NELL1: variants seen among roughly 807,000 people sequenced by gnomAD.
NELL1 encodes the protein protein kinase C-binding protein NELL1.
A neutral mutation model predicts 107.4 loss-of-function variants in NELL1; 76 were observed. The observed-to-expected ratio is 0.71, with a 90% CI of 0.59 to 0.86. NELL1 has a LOEUF of 0.86. Among genes scored for constraint, NELL1 ranks in the 40% least tolerant of loss-of-function variants. The pLI is 0.00. For missense variants in NELL1, 1,024 were observed against 1,005.5 expected (o/e 1.02, Z -0.25); for synonymous variants, 353 against 341.2 (o/e 1.03, Z -0.38).
At chr11:20,733,840 T>C (rs1855701289) in intron 2 of NELL1, among the ~76,000 whole-genome samples, 1 of 152,208 alleles carries the variant, frequency 6.6e-6, no homozygotes, top group Admixed American at 6.5e-5. Flanking sequence ...GTGATGGGAC[T>C]ATAACAAGAA....
At chr11:20,812,833 C>G (rs369907585) in intron 3 of NELL1, among the ~76,000 whole-genome samples, 1 of 150,370 alleles carries the variant, frequency 6.7e-6, no homozygotes, top group Non-Finnish European at 1.5e-5. Flanking sequence ...ACGGTGAAAC[C>G]CCGTCTGTAC....
chr11:21,019,954 A>T (rs1852659099), intron 12 of NELL1, among the ~76,000 whole-genome samples: 1 of 152,158 alleles, frequency 6.6e-6, no homozygotes, highest in Middle Eastern at 3.4e-3. Flanking sequence ...CTTGTTATCA[A>T]TATTTGCTAA....
intron 5 of NELL1, among the ~76,000 whole-genome samples, chr11:20,889,942 T>G (rs1394117708): frequency 6.6e-6 from 1 of 152,136 alleles, no homozygotes; most frequent in African/African-American, 2.4e-5. Flanking sequence ...TTCTGAAGAA[T>G]CCGGGCAGTC....
At chr11:21,381,191 A>G (rs897402041) in intron 15 of NELL1, among the ~76,000 whole-genome samples, 4 of 152,020 alleles carry the variant, frequency 2.6e-5, no homozygotes, top group Non-Finnish European at 5.9e-5. Context: ...AAAGTAAATT[A>G]TGTTTTCCTG....
At chr11:21,491,322 T>C (rs2133916539) in intron 15 of NELL1, among the ~76,000 whole-genome samples, 1 of 152,330 alleles carries the variant, frequency 6.6e-6, no homozygotes, top group South Asian at 2.1e-4. Flanking sequence ...AGGGTTTCTA[T>C]GGTTTTAGGT....
rs535218540 is a variant in NELL1 at position 21,551,630 on chromosome 11, G to A, written c.1787-8559G>A. On this transcript the variant is annotated intron_variant, in intron 16 of 19. Coordinates refer to ENST00000357134, the MANE Select transcript of NELL1 (RefSeq NM_006157.5). ...TAGAATGGCAATCATTAAAAAGTCA[G>A]CAAACAACAGGTGCTGGAAAGGATG... Among the ~76,000 whole-genome samples the A allele has an allele frequency of 9.2e-5, 14 of 151,728 alleles. No homozygotes were observed. The South Asian group carries it at 1.7e-3, about 18-fold the overall frequency.
intron 12 of NELL1, among the ~76,000 whole-genome samples, chr11:21,093,587 G>C (rs1565055344): frequency 2.0e-5 from 3 of 152,132 alleles, no homozygotes; most frequent in Admixed American, 6.5e-5. Flanking sequence ...ACATACGAGA[G>C]ACTGGGCAAT....
intron 12 of NELL1, among the ~76,000 whole-genome samples, chr11:21,002,384 G>A (rs1391247976): frequency 1.4e-5 from 2 of 138,868 alleles, no homozygotes; most frequent in East Asian, 3.9e-4. Context: ...TATGCCTATA[G>A]CAGGGAAATG....
At chr11:21,265,055 GA>G (rs574112054) in intron 14 of NELL1, among the ~76,000 whole-genome samples, 36 of 151,902 alleles carry the variant, frequency 2.4e-4, no homozygotes, top group Non-Finnish European at 4.4e-4. Flanking sequence ...TGTTTAGTTA[GA>G]AGGGAAGATA....
intron 14 of NELL1, among the ~76,000 whole-genome samples, chr11:21,338,773 A>T (rs1323707643): frequency 6.6e-6 from 1 of 152,180 alleles, no homozygotes; most frequent in African/African-American, 2.4e-5. Flanking sequence ...CTTGAGCAAA[A>T]TGTTTATAAA....
intron 14 of NELL1, among the ~76,000 whole-genome samples, chr11:21,235,543 T>A (rs903526473): frequency 6.6e-6 from 1 of 152,144 alleles, no homozygotes; most frequent in Non-Finnish European, 1.5e-5. Context: ...TTTGGTAGTG[T>A]TTAAGCTTCT....
intron 2 of NELL1, among the ~76,000 whole-genome samples, chr11:20,729,958 G>A (rs1224626499): frequency 6.6e-6 from 1 of 152,152 alleles, no homozygotes; most frequent in Non-Finnish European, 1.5e-5. Flanking sequence ...TCCATCTCTG[G>A]CTTGAGCTCC....
chr11:20,778,079 G>A (rs1856782900), intron 2 of NELL1, among the ~76,000 whole-genome samples: 1 of 152,152 alleles, frequency 6.6e-6, no homozygotes, highest in Non-Finnish European at 1.5e-5. Context: ...ACAGCCATAC[G>A]ATGCTGCTGC....
intron 13 of NELL1, among the ~76,000 whole-genome samples, chr11:21,212,866 A>G (rs893177012): frequency 3.3e-5 from 5 of 152,334 alleles, no homozygotes; most frequent in Non-Finnish European, 7.4e-5. Flanking sequence ...AGCCAAAACA[A>G]TAAGGCAGCA....
rs1159850960 is a variant in NELL1 at position 21,381,335 on chromosome 11, C to T, written c.1645+10387C>T. Among the ~76,000 whole-genome samples the T allele has an allele frequency of 3.9e-5, 6 of 151,902 alleles. No homozygotes were observed. In the East Asian group the frequency reaches 1.2e-3, roughly 29 times the overall value. On this transcript the variant is annotated intron_variant, in intron 15 of 19. Coordinates refer to ENST00000357134, the MANE Select transcript of NELL1 (RefSeq NM_006157.5). ...AGCACAATCTCTGAAGTCACACTAC[C>T]TTAGTTTTAGTTAAGCTGCCACTAT...
At chr11:21,462,119 A>G (rs556025013) in intron 15 of NELL1, among the ~76,000 whole-genome samples, 10 of 152,162 alleles carry the variant, frequency 6.6e-5, no homozygotes, top group African/African-American at 2.4e-4. Flanking sequence ...AATAGGATGG[A>G]CCTTTTGGTT....
chr11:21,195,970 G>A (rs1050942174), intron 13 of NELL1, among the ~76,000 whole-genome samples: 8 of 152,188 alleles, frequency 5.3e-5, no homozygotes, highest in African/African-American at 7.2e-5. Flanking sequence ...CCTGAAGAAC[G>A]AAGTCATGTA....
intron 5 of NELL1, among the ~76,000 whole-genome samples, chr11:20,900,959 G>C (rs574927194): frequency 6.6e-6 from 1 of 152,108 alleles, no homozygotes; most frequent in South Asian, 2.1e-4. Flanking sequence ...ACTAGAAATA[G>C]AAGGAAACTT....
intron 5 of NELL1, among the ~76,000 whole-genome samples, chr11:20,905,000 T>A (rs1849962140): frequency 6.7e-6 from 1 of 149,612 alleles, no homozygotes; most frequent in Non-Finnish European, 1.5e-5. Flanking sequence ...GGCTAATTTT[T>A]AATTTTTTTT....
Sources: gnomAD v4.1 joint callset for allele counts (sites outside exome capture counted in the v4.1 genomes callset) on GRCh38, gnomAD v4.1.1 for gene constraint, MANE v1.5 for transcripts, NCBI Gene and HGNC (gene_info 2026-07-23, HGNC 2026-07-21) for gene names.